Variants in EZH2 observed in about 807,000 individuals in gnomAD.
EZH2 encodes histone-lysine N-methyltransferase EZH2.
EZH2 carries 18 observed loss-of-function variants against 98.4 expected under a neutral mutation model. That is an observed-to-expected ratio of 0.18 (90% CI 0.13 to 0.27). The LOEUF (loss-of-function observed/expected upper bound fraction) is 0.27. Ranked by LOEUF, EZH2 falls within the 10% of genes least tolerant of loss-of-function variation. The pLI, the probability that EZH2 is intolerant of heterozygous loss-of-function variation, is 1.00. For missense variants in EZH2, 470 were observed against 935.1 expected (o/e 0.50, Z 6.49); for synonymous variants, 338 against 312.3 (o/e 1.08, Z -0.87).
chr7:148,833,131 C>T (rs114120935), intron 3 of EZH2, among the ~76,000 whole-genome samples: 1,738 of 152,230 alleles, frequency 0.011, 27 homozygotes, highest in African/African-American at 0.04. Context: ...AATATGTATA[C>T]CAAATAAGCC....
chr7:148,834,590 G>A (rs1490076963), intron 3 of EZH2, among the ~76,000 whole-genome samples: 2 of 152,220 alleles, frequency 1.3e-5, no homozygotes, highest in East Asian at 3.9e-4. Context: ...TTTAAGGATG[G>A]AGTAGTTAGG....
chr7:148,817,437 A>C, intron 10 of EZH2, 46 bp from the exon 11 acceptor site: 1 of 1,585,118 alleles, frequency 6.3e-7, no homozygotes, highest in Non-Finnish European at 8.6e-7. Flanking sequence ...ATTGGAAATA[A>C]TATTAAGAAG....
chr7:148,841,811 TTTC>T (rs926860627), intron 3 of EZH2, among the ~76,000 whole-genome samples: 2 of 152,134 alleles, frequency 1.3e-5, no homozygotes, highest in African/African-American at 4.8e-5. Flanking sequence ...AACAGGTATT[TTTC>T]TTCTCCTTCA....
chr7:148,833,360 G>C (rs898269777), intron 3 of EZH2, among the ~76,000 whole-genome samples: 3 of 151,720 alleles, frequency 2.0e-5, no homozygotes, highest in Non-Finnish European at 4.4e-5. Context: ...GGGAGGCTGA[G>C]GCAGGAGAAT....
intron 1 of EZH2, among the ~76,000 whole-genome samples, chr7:148,861,942 A>G (rs928057843): frequency 4.6e-5 from 7 of 152,222 alleles, no homozygotes; most frequent in Non-Finnish European, 1.0e-4. Flanking sequence ...TGGTTCAAGT[A>G]TATGAAGAAA....
At chr7:148,838,225 C>T (rs1457050335) in intron 3 of EZH2, among the ~76,000 whole-genome samples, 2 of 152,036 alleles carry the variant, frequency 1.3e-5, no homozygotes, top group African/African-American at 4.8e-5. Flanking sequence ...CGTGTCACCA[C>T]ATCTGGCTAA....
At chr7:148,832,993 A>G (rs1198200544) in intron 3 of EZH2, among the ~76,000 whole-genome samples, 1 of 152,186 alleles carries the variant, frequency 6.6e-6, no homozygotes, top group Admixed American at 6.5e-5. Flanking sequence ...ACTTACCAAT[A>G]TCAGTAAGAA....
chr7:148,817,114 T>G, intron 11 of EZH2, 108 bp downstream of exon 11: 1 of 1,022,034 alleles, frequency 9.8e-7, no homozygotes, highest in Non-Finnish European at 1.4e-6. Context: ...TTTTAGGAGA[T>G]GAATAGGAGC....
rs78460127 is a variant in EZH2 at position 148,812,583 on chromosome 7, T to C, written c.1852-863A>G. 4.0e-4 allele frequency among the ~76,000 whole-genome samples: 61 copies of C among 152,308 alleles called. No homozygotes were observed. The East Asian group carries it at 0.011, about 27-fold the overall frequency. ...CAAATGAAACCCAACTGGTAAAAGG[T>C]ATCTACATAGTTTAACATTTTTAAG... is the stretch of plus-strand genomic sequence containing the variant. On this transcript the variant is annotated intron_variant, in intron 15 of 19. Coordinates refer to ENST00000320356, the MANE Select transcript of EZH2 (RefSeq NM_004456.5).
chr7:148,864,984 G>T (rs370381523), intron 1 of EZH2, among the ~76,000 whole-genome samples: 19 of 152,106 alleles, frequency 1.2e-4, no homozygotes, highest in African/African-American at 4.3e-4. Context: ...AAAATTAGCC[G>T]GGTATGGTGG....
chr7:148,857,295 T>G (rs943072877), intron 1 of EZH2, among the ~76,000 whole-genome samples: 6 of 152,382 alleles, frequency 3.9e-5, no homozygotes, highest in African/African-American at 1.4e-4. Flanking sequence ...AACTGTGGTA[T>G]CTTGGATTGG....
intron 1 of EZH2, among the ~76,000 whole-genome samples, chr7:148,856,060 G>A (rs1157209312): frequency 6.6e-6 from 1 of 152,020 alleles, no homozygotes; most frequent in Non-Finnish European, 1.5e-5. Flanking sequence ...CAGGATGTCA[G>A]GGGATCTCAG....
At chr7:148,861,793 T>C (rs1285243216) in intron 1 of EZH2, among the ~76,000 whole-genome samples, 1 of 119,790 alleles carries the variant, frequency 8.3e-6, no homozygotes, top group East Asian at 2.3e-4. Context: ...CAACATAGCC[T>C]TCTTTTATTT....
chr7:148,827,351 A>G (rs1344831900), intron 6 of EZH2, 85 bp from the exon 7 acceptor site: 4 of 928,948 alleles, frequency 4.3e-6, no homozygotes, highest in African/African-American at 3.3e-5. Flanking sequence ...TTATGTCTCT[A>G]TAACAAAGCT....
chr7:148,846,090 G>A (rs1813939058), intron 3 of EZH2, among the ~76,000 whole-genome samples: 1 of 152,140 alleles, frequency 6.6e-6, no homozygotes, highest in Non-Finnish European at 1.5e-5. Flanking sequence ...TCTTGTCCAT[G>A]AATATTAAAA....
chr7:148,880,237 C>T (rs1297750436), intron 1 of EZH2, among the ~76,000 whole-genome samples: 2 of 152,174 alleles, frequency 1.3e-5, no homozygotes, highest in Admixed American at 6.5e-5. Flanking sequence ...TGAGGTATCA[C>T]TAAATTTGCT....
At chr7:148,869,708 T>C (rs1415159012) in intron 1 of EZH2, among the ~76,000 whole-genome samples, 1 of 152,240 alleles carries the variant, frequency 6.6e-6, no homozygotes, top group Non-Finnish European at 1.5e-5. Context: ...TTACTTCATC[T>C]GCAAAATGAA....
Position 148,832,754 on chromosome 7 carries a change from A to C in EZH2, c.247-4T>G. 3 of 1,572,350 alleles carry C rather than the reference A, an allele frequency of 1.9e-6. No individual in the cohort carries two copies. The South Asian group carries it at 3.4e-5, about 18-fold the overall frequency. ...CCAAGTCACTGGTCACCGAACACTA[A>C]AACAGAAAAAATAAAATTGACTCTT... On this transcript the variant is annotated splice_region_variant and splice_polypyrimidine_tract_variant and intron_variant, in intron 3 of 19. Coordinates refer to ENST00000320356, the MANE Select transcript of EZH2 (RefSeq NM_004456.5).
chr7:148,865,349 T>C (rs1818294568), intron 1 of EZH2, among the ~76,000 whole-genome samples: 2 of 152,292 alleles, frequency 1.3e-5, no homozygotes, highest in South Asian at 4.1e-4. Context: ...TACACAAATC[T>C]AACATACATT....
Sources: gnomAD v4.1 joint callset for allele counts (sites outside exome capture counted in the v4.1 genomes callset) on GRCh38, gnomAD v4.1.1 for gene constraint, MANE v1.5 for transcripts, NCBI Gene and HGNC (gene_info 2026-07-23, HGNC 2026-07-21) for gene names.